ATP6V0A4: variants seen among roughly 807,000 people sequenced by gnomAD.
The protein encoded by ATP6V0A4 is ATPase H+ transporting V0 subunit a4.
In ATP6V0A4, 86 loss-of-function variants were observed where a neutral mutation model predicts 107.3. The observed-to-expected ratio is 0.80, with a 90% CI of 0.67 to 0.96. The LOEUF (loss-of-function observed/expected upper bound fraction) is 0.96. ATP6V0A4 is among the 40% of genes least tolerant of loss of function. The probability of loss-of-function intolerance (pLI) is 0.00; values close to 1 mark genes in which losing one functional copy is unlikely to be tolerated. For missense variants in ATP6V0A4, 908 were observed against 1,045.6 expected (o/e 0.87, Z 1.81); for synonymous variants, 353 against 381.4 (o/e 0.93, Z 0.87).
chr7:138,748,719 T>C (rs1484554829), intron 12 of ATP6V0A4, among the ~76,000 whole-genome samples: 1 of 152,152 alleles, frequency 6.6e-6, no homozygotes. Flanking sequence ...ACCTTTATTT[T>C]ATTAACCAAG....
intron 19 of ATP6V0A4, 62 bp from the exon 20 acceptor site, chr7:138,715,943 A>G (rs1221788121): frequency 1.9e-6 from 3 of 1,595,880 alleles, no homozygotes; most frequent in African/African-American, 1.3e-5. Flanking sequence ...GTTATTCCAA[A>G]TGATGCAAAG....
intron 5 of ATP6V0A4, 22 bp from the exon 6 acceptor site, chr7:138,763,047 G>A (rs1017776175): frequency 4.3e-6 from 7 of 1,613,580 alleles, no homozygotes; most frequent in Middle Eastern, 1.7e-4. Flanking sequence ...GGAAAAAGAA[G>A]GTAAGCCAAC....
intron 19 of ATP6V0A4, among the ~76,000 whole-genome samples, chr7:138,717,700 G>C (rs1464967470): frequency 6.6e-6 from 1 of 152,066 alleles, no homozygotes; most frequent in African/African-American, 2.4e-5. Context: ...TTGAAGTCAG[G>C]AGTTTGAGAC....
intron 20 of ATP6V0A4, among the ~76,000 whole-genome samples, chr7:138,713,572 A>G (rs1237295449): frequency 2.6e-5 from 4 of 152,212 alleles, no homozygotes; most frequent in Non-Finnish European, 2.9e-5. Flanking sequence ...CTCATAGTCC[A>G]GTAGGAAGAC....
chr7:138,771,402 T>TTA, intron 2 of ATP6V0A4, 138 bp from the exon 3 acceptor site: 1 of 596,602 alleles, frequency 1.7e-6, no homozygotes, highest in Non-Finnish European at 2.4e-6. Context: ...TTAGGAGACT[T>TTA]TTTTTTTTTT....
At chr7:138,740,109 A>AG (rs1805548430) in intron 14 of ATP6V0A4, among the ~76,000 whole-genome samples, 1 of 151,098 alleles carries the variant, frequency 6.6e-6, no homozygotes, top group Non-Finnish European at 1.5e-5. Flanking sequence ...AAAAAAAAAA[A>AG]AAAGGGAGAA....
In ATP6V0A4 at chr7:138,747,458, C is replaced by A. The variant is rs780327584; in HGVS notation, c.1287G>T (p.Glu429Asp). 1 of 1,614,168 alleles carries A rather than the reference C, an allele frequency of 6.2e-7. No individual in the cohort carries two copies. The highest frequency in any genetic ancestry group is 1.1e-5 in the South Asian group (1 of 91,078). Residue 429 changes from glutamate to aspartate, a missense_variant, in exon 13 of 22, where the codon GAG becomes GAT. Physicochemically the swap from Glu to Asp is conservative, Grantham distance 45. Transcript: ENST00000310018. ...LLAALWMILNERRLLSQKTDN... is the reference protein window; with the variant it reads ...LLAALWMILNDRRLLSQKTDN... Reference sequence around the variant, plus strand: ...CTGTCTTCTGGGAGAGCAAGCGTCTCTCATTCAGAATCATCCAAAGTGCAG... The same window carrying A: ...CTGTCTTCTGGGAGAGCAAGCGTCTATCATTCAGAATCATCCAAAGTGCAG...
At chr7:138,748,276 C>T (rs926944222) in intron 12 of ATP6V0A4, among the ~76,000 whole-genome samples, 2 of 152,216 alleles carry the variant, frequency 1.3e-5, no homozygotes, top group Non-Finnish European at 1.5e-5. Flanking sequence ...CAGCAGTTTG[C>T]TCGCAGGGAC....
chr7:138,788,723 G>A (rs1408003731), intron 1 of ATP6V0A4, among the ~76,000 whole-genome samples: 1 of 152,142 alleles, frequency 6.6e-6, no homozygotes, highest in African/African-American at 2.4e-5. Context: ...TGAATCATGG[G>A]GGCAGGTCTT....
intron 14 of ATP6V0A4, among the ~76,000 whole-genome samples, chr7:138,742,737 T>G (rs1805695581): frequency 6.6e-6 from 1 of 151,684 alleles, no homozygotes; most frequent in Non-Finnish European, 1.5e-5. Context: ...CTCCCTATAT[T>G]GCCCAGGCTG....
chr7:138,784,281 C>CGT (rs1808074175), intron 2 of ATP6V0A4, among the ~76,000 whole-genome samples: 3 of 114,530 alleles, frequency 2.6e-5, no homozygotes, highest in African/African-American at 1.2e-4. Context: ...TATATATATA[C>CGT]ATATATATAC....
chr7:138,745,379 G>T (rs1805862494), intron 13 of ATP6V0A4, 99 bp from the exon 14 acceptor site: 1 of 1,571,552 alleles, frequency 6.4e-7, no homozygotes, highest in African/African-American at 1.3e-5. Context: ...ACCGGTGCAG[G>T]CACCCTTGGG....
At chr7:138,752,518 T>C in intron 11 of ATP6V0A4, 107 bp downstream of exon 11, 1 of 1,403,856 alleles carries the variant, frequency 7.1e-7, no homozygotes, top group South Asian at 1.2e-5. Context: ...GAAGCAATCC[T>C]ACCACCAAGT....
At chr7:138,788,990 T>C (rs1203778569) in intron 1 of ATP6V0A4, among the ~76,000 whole-genome samples, 5 of 152,182 alleles carry the variant, frequency 3.3e-5, no homozygotes, top group South Asian at 2.1e-4. Context: ...CAGAGGGCAT[T>C]CTTCCAAGGT....
At position 138,751,074 on chromosome 7, in the gene ATP6V0A4, G is replaced by A. The variant is rs188643415; in HGVS notation, c.1029+1551C>T. 2.4e-3 allele frequency among the ~76,000 whole-genome samples: 364 copies of A among 151,956 alleles called. 1 individual carries two copies. The highest frequency in any genetic ancestry group is 8.5e-3 in the African/African-American group (353 of 41,402). On this transcript the variant is annotated intron_variant, in intron 11 of 21. Coordinates refer to ENST00000310018, the MANE Select transcript of ATP6V0A4 (RefSeq NM_020632.3). ...CAGAGAGGGTTTCTTCAGATAACAC[G>A]AGATCTGCCGTCACCAGATATGCCA...
At chr7:138,789,404 C>T (rs984646133) in intron 1 of ATP6V0A4, among the ~76,000 whole-genome samples, 7 of 151,736 alleles carry the variant, frequency 4.6e-5, no homozygotes, top group Non-Finnish European at 7.4e-5. Flanking sequence ...CCCACCATCA[C>T]GCCTGCCTAG....
At chr7:138,776,963 C>T (rs541065307) in intron 2 of ATP6V0A4, among the ~76,000 whole-genome samples, 1 of 151,942 alleles carries the variant, frequency 6.6e-6, no homozygotes, top group Admixed American at 6.6e-5. Flanking sequence ...GCCTGGCCAA[C>T]ATGGTGAAAA....
intron 13 of ATP6V0A4, among the ~76,000 whole-genome samples, chr7:138,745,658 C>CAAAAAATAAAAAAAAAAAAAAAAA (rs1805882305): frequency 2.3e-5 from 1 of 42,758 alleles, no homozygotes; most frequent in Admixed American, 3.0e-4. Context: ...GCCTGTGTCT[C>CAAAAAATAAAAAAAAAAAAAAAAA]AAAAAAAAAA....
intron 16 of ATP6V0A4, among the ~76,000 whole-genome samples, chr7:138,733,578 T>C (rs1312004065): frequency 1.8e-5 from 2 of 108,978 alleles, no homozygotes; most frequent in East Asian, 3.0e-4. Flanking sequence ...TTCTCTTTTT[T>C]TTTTTTTTTT....
Sources: allele counts gnomAD v4.1 joint callset (sites outside exome capture counted in the v4.1 genomes callset), GRCh38; gene constraint gnomAD v4.1.1; transcripts MANE v1.5; gene names NCBI Gene and HGNC (gene_info 2026-07-23, HGNC 2026-07-21).